The following RIMS2 variants were observed in gnomAD, a reference collection of about 807,000 sequenced individuals.
RIMS2 encodes regulating synaptic membrane exocytosis protein 2.
In RIMS2, 59 loss-of-function variants were observed where a neutral mutation model predicts 174.4. The observed-to-expected ratio is 0.34, with a 90% CI of 0.27 to 0.42. The LOEUF (loss-of-function observed/expected upper bound fraction) is 0.42, where lower values mean the gene tolerates loss of function less well. Among genes scored for constraint, RIMS2 ranks in the 10% least tolerant of loss-of-function variants. The probability of loss-of-function intolerance (pLI) is 1.00; values close to 1 mark genes in which losing one functional copy is unlikely to be tolerated. For synonymous variants in RIMS2, 606 were observed against 572.5 expected (o/e 1.06, Z -0.84); for missense variants, 1,620 against 1,666.3 (o/e 0.97, Z 0.48).
intron 14 of RIMS2, among the ~76,000 whole-genome samples, chr8:103,959,003 C>T (rs1191491371): frequency 1.3e-5 from 2 of 152,170 alleles, no homozygotes; most frequent in Non-Finnish European, 2.9e-5. Context: ...CCCATGCAGA[C>T]AAACTGGAAC....
At chr8:103,868,976 G>A (rs2099096827) in intron 3 of RIMS2, among the ~76,000 whole-genome samples, 1 of 152,028 alleles carries the variant, frequency 6.6e-6, no homozygotes, top group African/African-American at 2.4e-5. Context: ...TTAACTGCAA[G>A]TACTTATTTT....
chr8:103,917,607 C>T (rs115036501), intron 8 of RIMS2, among the ~76,000 whole-genome samples: 6 of 152,052 alleles, frequency 3.9e-5, no homozygotes, highest in Middle Eastern at 3.4e-3. Flanking sequence ...AATGTTTACC[C>T]CTTGTGTCAA....
At chr8:103,930,731 C>G (rs1353545202) in intron 11 of RIMS2, among the ~76,000 whole-genome samples, 1 of 152,082 alleles carries the variant, frequency 6.6e-6, no homozygotes, top group Non-Finnish European at 1.5e-5. Context: ...ATTTTAAGTT[C>G]AAACTGAAGG....
intron 1 of RIMS2, among the ~76,000 whole-genome samples, chr8:103,509,676 T>A (rs1467964767): frequency 1.3e-5 from 2 of 151,918 alleles, no homozygotes; most frequent in Non-Finnish European, 2.9e-5. Context: ...GCTCCAGAAA[T>A]AGGAATTGAG....
intron 1 of RIMS2, among the ~76,000 whole-genome samples, chr8:103,647,523 G>C (rs573220301): frequency 1.3e-5 from 2 of 152,242 alleles, no homozygotes; most frequent in South Asian, 4.1e-4. Flanking sequence ...TGTACCTCTG[G>C]TAGAATTCAG....
chr8:103,536,903 A>T (rs1476275318), intron 1 of RIMS2, among the ~76,000 whole-genome samples: 3 of 152,264 alleles, frequency 2.0e-5, no homozygotes, highest in African/African-American at 7.2e-5. Context: ...TTTAAAAATG[A>T]CAAGAACTAT....
intron 19 of RIMS2, among the ~76,000 whole-genome samples, chr8:104,191,667 C>T (rs1300979643): frequency 6.6e-6 from 1 of 152,148 alleles, no homozygotes; most frequent in East Asian, 1.9e-4. Flanking sequence ...TGATATTTGG[C>T]TCTTTCTAAT....
intron 19 of RIMS2, among the ~76,000 whole-genome samples, chr8:104,072,712 C>G (rs974778329): frequency 2.0e-5 from 3 of 152,202 alleles, no homozygotes; most frequent in African/African-American, 7.2e-5. Context: ...CTGAATTTCT[C>G]AAGACTTCTG....
At chr8:103,627,925 G>T (rs1400595339) in intron 1 of RIMS2, among the ~76,000 whole-genome samples, 1 of 152,080 alleles carries the variant, frequency 6.6e-6, no homozygotes, top group African/African-American at 2.4e-5. Context: ...AAACCTAAAT[G>T]CGCCTGCTCC....
intron 1 of RIMS2, among the ~76,000 whole-genome samples, chr8:103,545,172 C>G (rs542679762): frequency 6.6e-6 from 1 of 152,214 alleles, no homozygotes; most frequent in Non-Finnish European, 1.5e-5. Context: ...GAGATAAAGA[C>G]AAAATGGCCA....
intron 1 of RIMS2, among the ~76,000 whole-genome samples, chr8:103,540,062 T>C (rs1051506291): frequency 6.6e-6 from 1 of 152,224 alleles, no homozygotes; most frequent in African/African-American, 2.4e-5. Flanking sequence ...TCATGTACTA[T>C]TTCCAATATG....
At chr8:103,691,615 C>T (rs984102527) in intron 1 of RIMS2, among the ~76,000 whole-genome samples, 17 of 152,116 alleles carry the variant, frequency 1.1e-4, no homozygotes, top group African/African-American at 4.1e-4. Context: ...CATTGAGCTC[C>T]TTCAAAACAG....
At chr8:104,181,434 A>C (rs1193821664) in intron 19 of RIMS2, among the ~76,000 whole-genome samples, 1 of 151,768 alleles carries the variant, frequency 6.6e-6, no homozygotes, top group Admixed American at 6.6e-5. Flanking sequence ...CCATGACCAA[A>C]TCACTTAAGT....
chr8:103,900,489 CTGAATACCAAGTATGTCTATA>C (rs1265681025), intron 4 of RIMS2, among the ~76,000 whole-genome samples: 5 of 152,090 alleles, frequency 3.3e-5, no homozygotes, highest in African/African-American at 1.2e-4. Flanking sequence ...AGGGGTTATT[CTGAATACCAAGTATGTCTATA>C]TGGAGACTGC....
chr8:104,163,195 G>A (rs2098774367), intron 19 of RIMS2, among the ~76,000 whole-genome samples: 1 of 152,122 alleles, frequency 6.6e-6, no homozygotes, highest in Admixed American at 6.6e-5. Flanking sequence ...CTTTGATGCA[G>A]CTCTAAGTGG....
intron 16 of RIMS2, among the ~76,000 whole-genome samples, chr8:103,986,208 T>A (rs1199387218): frequency 6.6e-6 from 1 of 152,148 alleles, no homozygotes; most frequent in Non-Finnish European, 1.5e-5. Flanking sequence ...ATGTGCAATG[T>A]TTACTTGACA....
Position 103,577,189 on chromosome 8 carries a change from T to C in RIMS2, c.176+76127T>C, listed in dbSNP as rs183190944. On this transcript the variant is annotated intron_variant, in intron 1 of 23. Transcript: ENST00000504942. Reference sequence around the variant, plus strand: ...GCAATATATCCATCTGACAAAGGGCTAATATCTAGAATCTACAAGGAACTA... The same window carrying C: ...GCAATATATCCATCTGACAAAGGGCCAATATCTAGAATCTACAAGGAACTA... Among the ~76,000 whole-genome samples, 10 of 152,266 alleles carry C rather than the reference T, an allele frequency of 6.6e-5. No individual in the cohort carries two copies. In the East Asian group the frequency reaches 1.7e-3, roughly 26 times the overall value.
intron 1 of RIMS2, among the ~76,000 whole-genome samples, chr8:103,606,546 T>C (rs568532206): frequency 6.6e-6 from 1 of 152,320 alleles, no homozygotes; most frequent in African/African-American, 2.4e-5. Flanking sequence ...GTTCAATTCC[T>C]GGGTATCCCT....
rs185043546 is a variant in RIMS2 at position 103,625,120 on chromosome 8, G to A, written c.177-71966G>A. Among the ~76,000 whole-genome samples the A allele has an allele frequency of 3.3e-5, 5 of 152,170 alleles. No individual in the cohort carries two copies. The East Asian group carries it at 9.7e-4, about 29-fold the overall frequency. ...ACTCATACAGTGTTTTTAGGGGGAAGGAGGTTGGATATGTAAAGGGCTGGG... is the reference window on the plus strand; with the variant it reads ...ACTCATACAGTGTTTTTAGGGGGAAAGAGGTTGGATATGTAAAGGGCTGGG... On this transcript the variant is annotated intron_variant, in intron 1 of 23. Coordinates refer to ENST00000504942, the Ensembl canonical transcript of RIMS2.
Sources: allele counts gnomAD v4.1 joint callset (sites outside exome capture counted in the v4.1 genomes callset), GRCh38; gene constraint gnomAD v4.1.1; transcripts MANE v1.5; gene names NCBI Gene and HGNC (gene_info 2026-07-23, HGNC 2026-07-21).